The following TEX2 variants were observed in gnomAD, a reference collection of about 807,000 sequenced individuals.
The protein encoded by TEX2 is testis-expressed protein 2.
Under a neutral mutation model 106.9 loss-of-function variants are expected in TEX2, and 53 were observed. That is an observed-to-expected ratio of 0.50 (90% confidence interval 0.40 to 0.62). The LOEUF (loss-of-function observed/expected upper bound fraction) is 0.62, where lower values mean the gene tolerates loss of function less well. Ranked by LOEUF, TEX2 falls within the 20% of genes least tolerant of loss-of-function variation. TEX2 has a pLI of 0.00. For missense variants in TEX2, 1,207 were observed against 1,379.0 expected, an observed-to-expected ratio of 0.88 and a Z score of 1.98; for synonymous variants, 523 against 534.8, an observed-to-expected ratio of 0.98 and a Z score of 0.30.
chr17:64,171,235 G>T, intron 6 of TEX2, 36 bp from the exon 7 acceptor site: 1 of 1,554,484 alleles, frequency 6.4e-7, no homozygotes, highest in South Asian at 1.1e-5. Flanking sequence ...TGAGACCCAT[G>T]AGCAACCTAC....
chr17:64,227,244 A>C (rs2033532191), intron 1 of TEX2, among the ~76,000 whole-genome samples: 1 of 151,876 alleles, frequency 6.6e-6, no homozygotes, highest in African/African-American at 2.4e-5. Flanking sequence ...AAAAAAGAAA[A>C]TGACATCAAT....
intron 1 of TEX2, among the ~76,000 whole-genome samples, chr17:64,234,151 T>C (rs1419542461): frequency 2.0e-5 from 3 of 152,110 alleles, no homozygotes; most frequent in South Asian, 2.1e-4. Context: ...TCTCAGCAGA[T>C]TGGGGAAAAT....
At chr17:64,228,961 CA>C (rs1555634269) in intron 1 of TEX2, among the ~76,000 whole-genome samples, 15 of 140,200 alleles carry the variant, frequency 1.1e-4, no homozygotes, top group Non-Finnish European at 2.0e-4. Flanking sequence ...CACACACACA[CA>C]CACACACACC....
At chr17:64,246,712 C>T (rs2033994916) in intron 1 of TEX2, among the ~76,000 whole-genome samples, 1 of 152,332 alleles carries the variant, frequency 6.6e-6, no homozygotes, top group South Asian at 2.1e-4. Context: ...GAGTCAGTAA[C>T]AGGCAACAGC....
At chr17:64,245,959 T>C (rs2033980397) in intron 1 of TEX2, among the ~76,000 whole-genome samples, 1 of 152,234 alleles carries the variant, frequency 6.6e-6, no homozygotes, top group African/African-American at 2.4e-5. Context: ...GCTCATGAGA[T>C]GGCTCTATCA....
chr17:64,225,344 C>T (rs1231246177), intron 1 of TEX2, among the ~76,000 whole-genome samples: 15 of 151,968 alleles, frequency 9.9e-5, no homozygotes, highest in African/African-American at 3.6e-4. Flanking sequence ...CATGGAAGGG[C>T]ATTGAGATGG....
At chr17:64,238,853 A>G (rs2033825760) in intron 1 of TEX2, among the ~76,000 whole-genome samples, 1 of 152,228 alleles carries the variant, frequency 6.6e-6, no homozygotes. Flanking sequence ...AGAAAGAAAA[A>G]TAACTGTTCC....
chr17:64,252,196 GA>G (rs1445239682), intron 1 of TEX2, among the ~76,000 whole-genome samples: 2 of 152,272 alleles, frequency 1.3e-5, no homozygotes, highest in East Asian at 3.9e-4. Flanking sequence ...TGGTTTCTCA[GA>G]ACATGTTTTT....
intron 1 of TEX2, among the ~76,000 whole-genome samples, chr17:64,251,355 G>A (rs2034087509): frequency 6.6e-6 from 1 of 152,138 alleles, no homozygotes; most frequent in Admixed American, 6.5e-5. Flanking sequence ...TGATTTTCCT[G>A]TAGGCTTTTC....
At chr17:64,174,932 C>T (rs1206576637) in intron 6 of TEX2, among the ~76,000 whole-genome samples, 3 of 152,154 alleles carry the variant, frequency 2.0e-5, no homozygotes, top group Non-Finnish European at 2.9e-5. Context: ...GCTGACAATC[C>T]GAGACTACAG....
chr17:64,246,755 CGAG>C (rs1274939041), intron 1 of TEX2, among the ~76,000 whole-genome samples: 1 of 152,146 alleles, frequency 6.6e-6, no homozygotes, highest in Non-Finnish European at 1.5e-5. Context: ...GGAGGCTGCA[CGAG>C]GAGAAGGCTG....
chr17:64,183,951 T>C (rs367920625), intron 5 of TEX2, among the ~76,000 whole-genome samples: 56 of 152,254 alleles, frequency 3.7e-4, no homozygotes, highest in African/African-American at 1.2e-3. Context: ...GTCTTTTTCA[T>C]TGTGGCCATC....
intron 5 of TEX2, among the ~76,000 whole-genome samples, chr17:64,183,578 C>T (rs2031964026): frequency 6.6e-6 from 1 of 152,182 alleles, no homozygotes; most frequent in Non-Finnish European, 1.5e-5. Context: ...AGGCATGCGC[C>T]ACCATGCCTG....
At chr17:64,200,117 TGTA>T (rs1201070368) in intron 2 of TEX2, among the ~76,000 whole-genome samples, 1 of 152,226 alleles carries the variant, frequency 6.6e-6, no homozygotes, top group Non-Finnish European at 1.5e-5. Context: ...GAGTATTCTA[TGTA>T]GGAGGCTTTT....
intron 10 of TEX2, among the ~76,000 whole-genome samples, chr17:64,151,779 A>G (rs1303323901): frequency 6.6e-6 from 1 of 152,218 alleles, no homozygotes; most frequent in Non-Finnish European, 1.5e-5. Context: ...TAAAACTGAT[A>G]AATCTAAAGA....
chr17:64,251,748 C>G (rs1037013886), intron 1 of TEX2, among the ~76,000 whole-genome samples: 6 of 152,056 alleles, frequency 3.9e-5, no homozygotes, highest in African/African-American at 1.4e-4. Flanking sequence ...AGCTTCTTTC[C>G]AACAGGGAAT....
At chr17:64,198,904 C>G (rs1443268529) in intron 2 of TEX2, among the ~76,000 whole-genome samples, 1 of 152,092 alleles carries the variant, frequency 6.6e-6, no homozygotes, top group Non-Finnish European at 1.5e-5. Flanking sequence ...TTATGTTTAT[C>G]AACCACTCAC....
Position 64,173,981 on chromosome 17 carries a change from G to A in TEX2, c.2572-2782C>T, listed in dbSNP as rs149766308. ...CCACCTCAACCTTCTGAGTAGCTGG[G>A]ACTATAGGCATGTACCACTACCACG... On this transcript the variant is annotated intron_variant, in intron 6 of 11. Coordinates refer to ENST00000584379, the MANE Select transcript of TEX2 (RefSeq NM_001288732.2). 2.4e-3 allele frequency among the ~76,000 whole-genome samples: 370 copies of A among 152,258 alleles called. 1 individual carries two copies. The highest frequency in any genetic ancestry group is 0.017 in the Middle Eastern group (5 of 294).
chr17:64,225,543 T>C (rs1289795597), intron 1 of TEX2, among the ~76,000 whole-genome samples: 1 of 152,176 alleles, frequency 6.6e-6, no homozygotes, highest in Non-Finnish European at 1.5e-5. Flanking sequence ...TCACCAATCA[T>C]TCCTAAACCG....
Sources: allele counts gnomAD v4.1 joint callset (sites outside exome capture counted in the v4.1 genomes callset), GRCh38; gene constraint gnomAD v4.1.1; transcripts MANE v1.5; gene names NCBI Gene and HGNC (gene_info 2026-07-23, HGNC 2026-07-21).